The following G2E3 variants were observed in gnomAD, a reference collection of about 807,000 sequenced individuals.
The protein encoded by G2E3 is G2/M-phase specific E3 ubiquitin protein ligase.
A neutral mutation model predicts 92.8 loss-of-function variants in G2E3; 35 were observed. That is an observed-to-expected ratio of 0.38 (90% CI 0.29 to 0.50). The LOEUF (loss-of-function observed/expected upper bound fraction) is 0.50, where lower values mean the gene tolerates loss of function less well. G2E3 is among the 20% of genes least tolerant of loss of function. The probability of loss-of-function intolerance (pLI) is 0.94; values close to 1 mark genes in which losing one functional copy is unlikely to be tolerated. For missense variants in G2E3, 554 were observed against 823.8 expected, an observed-to-expected ratio of 0.67 and a Z score of 4.01; for synonymous variants, 242 against 272.4, an observed-to-expected ratio of 0.89 and a Z score of 1.10.
intron 4 of G2E3, among the ~76,000 whole-genome samples, chr14:30,591,146 A>C (rs903052071): frequency 6.6e-6 from 1 of 152,132 alleles, no homozygotes; most frequent in Admixed American, 6.6e-5. Flanking sequence ...TGAAAAGAAG[A>C]GTCTCATTTG....
At chr14:30,562,876 G>T (rs1044540838) in intron 1 of G2E3, among the ~76,000 whole-genome samples, 1 of 152,158 alleles carries the variant, frequency 6.6e-6, no homozygotes, top group Non-Finnish European at 1.5e-5. Context: ...CGGCTGCCAG[G>T]CAGGGAAGGG....
chr14:30,588,076 A>C (rs762863030), intron 3 of G2E3, among the ~76,000 whole-genome samples: 35 of 152,190 alleles, frequency 2.3e-4, no homozygotes, highest in Admixed American at 8.5e-4. Flanking sequence ...GGTTAAATAG[A>C]GTAGTAGACT....
intron 4 of G2E3, among the ~76,000 whole-genome samples, chr14:30,590,266 C>T (rs541232072): frequency 6.6e-6 from 1 of 152,226 alleles, no homozygotes; most frequent in East Asian, 1.9e-4. Context: ...GACACTGACA[C>T]ATTATAGTTG....
chr14:30,619,384 T>A lies in G2E3; in HGVS notation c.*2850T>A, dbSNP rs1371617135. 3 of 152,142 alleles carry A rather than the reference T, an allele frequency of 2.0e-5. No homozygotes were observed. Among genetic ancestry groups the A allele is most frequent in the African/African-American group, 7.2e-5 (3 of 41,456 alleles). 9.4% of individuals were successfully genotyped at this position (152,142 alleles called of 1,614,324 possible). ...TTTTCAGTGACTGTGCCTTTAGCAT[T>A]CAGTCATTATAAGAAAATGATCAGA... On this transcript the variant is annotated 3_prime_UTR_variant, in exon 15 of 15. Coordinates refer to ENST00000206595, the MANE Select transcript of G2E3 (RefSeq NM_017769.5).
chr14:30,590,935 G>A, intron 4 of G2E3: 3 of 290,718 alleles, frequency 1.0e-5, no homozygotes, highest in South Asian at 9.7e-5. Context: ...AGGAATATTT[G>A]CTTACCAGTT....
intron 1 of G2E3, among the ~76,000 whole-genome samples, chr14:30,571,903 T>C (rs1056323775): frequency 2.6e-5 from 4 of 151,674 alleles, no homozygotes; most frequent in African/African-American, 7.3e-5. Flanking sequence ...ACAAGACTTT[T>C]GCATTTTTAT....
Position 30,616,479 on chromosome 14 carries a change from T to C in G2E3, c.2066T>C (p.Ile689Thr), listed in dbSNP as rs1340650006. Residue 689 changes from isoleucine (I) to threonine (T), a missense_variant, in exon 15 of 15, where the codon ATA becomes ACA. By Grantham distance (89) the Ile-to-Thr change is moderately conservative. Coordinates refer to ENST00000206595, the MANE Select transcript of G2E3 (RefSeq NM_017769.5). ...KEFQENMDFT[I>T]RNTLRLEKEE... is the part of the protein sequence containing the mutation. ...TTTCAAGAAAATATGGACTTCACCA[T>C]AAGAAACACTCTAAGACTAGAAAAG... 1 of 1,604,428 alleles carries C rather than the reference T, an allele frequency of 6.2e-7. No individual in the cohort carries two copies. Among genetic ancestry groups the C allele is most frequent in the East Asian group, 2.2e-5 (1 of 44,758 alleles).
At chr14:30,593,161 A>C (rs1011481669) in intron 5 of G2E3, among the ~76,000 whole-genome samples, 1 of 152,154 alleles carries the variant, frequency 6.6e-6, no homozygotes, top group African/African-American at 2.4e-5. Flanking sequence ...CAACGTATGC[A>C]CCCATTTGTT....
At chr14:30,613,033 G>A (rs370482758) in intron 13 of G2E3, among the ~76,000 whole-genome samples, 12 of 151,814 alleles carry the variant, frequency 7.9e-5, no homozygotes, top group African/African-American at 2.4e-4. Flanking sequence ...TTATCTGCTG[G>A]GTAATACATA....
intron 1 of G2E3, among the ~76,000 whole-genome samples, chr14:30,568,663 A>C (rs1356307149): frequency 3.3e-5 from 5 of 152,286 alleles, no homozygotes; most frequent in East Asian, 1.9e-4. Context: ...CATAGTATAC[A>C]AAAATTACAC....
chr14:30,582,559 ACTC>A (rs1212943009), intron 2 of G2E3, among the ~76,000 whole-genome samples: 1 of 151,902 alleles, frequency 6.6e-6, no homozygotes, highest in Non-Finnish European at 1.5e-5. Context: ...GTTCACAAGG[ACTC>A]CTCTTTTGTA....
At chr14:30,561,481 A>G (rs1033656295) in intron 1 of G2E3, among the ~76,000 whole-genome samples, 15 of 152,160 alleles carry the variant, frequency 9.9e-5, no homozygotes, top group African/African-American at 3.6e-4. Context: ...TCTGGTACCA[A>G]CTTCTCTTCC....
rs370398317 is a variant in G2E3, at chr14:30,577,157, G to A, written c.-4-3919G>A. ...GGAGAATCACTTGAACCCAGGAGGC[G>A]GAGGTTGCAGTGAGCCGAGATTGCG... On this transcript the variant is annotated intron_variant, in intron 1 of 14. Transcript: ENST00000206595. Among the ~76,000 whole-genome samples the A allele has an allele frequency of 2.1e-4, 31 of 148,758 alleles. 1 individual carries two copies. Among genetic ancestry groups the A allele is most frequent in the South Asian group, 6.3e-4 (3 of 4,738 alleles).
chr14:30,579,121 G>A (rs911407765), intron 1 of G2E3, among the ~76,000 whole-genome samples: 2 of 152,028 alleles, frequency 1.3e-5, no homozygotes, highest in African/African-American at 2.4e-5. Context: ...AAGCGCCATC[G>A]TATACCTGTA....
intron 1 of G2E3, among the ~76,000 whole-genome samples, chr14:30,566,245 T>C (rs1212948354): frequency 1.3e-5 from 2 of 152,192 alleles, no homozygotes; most frequent in African/African-American, 4.8e-5. Flanking sequence ...TCAGGATCCC[T>C]TGCAGTTTAG....
intron 1 of G2E3, among the ~76,000 whole-genome samples, chr14:30,575,847 C>T (rs1258870667): frequency 6.6e-6 from 1 of 152,150 alleles, no homozygotes; most frequent in Non-Finnish European, 1.5e-5. Flanking sequence ...AATTACAAAG[C>T]ACTGCTCAAA....
At chr14:30,616,207 T>C in intron 14 of G2E3, 71 bp from the exon 15 acceptor site, 1 of 996,704 alleles carries the variant, frequency 1.0e-6, no homozygotes, top group South Asian at 1.4e-5. Context: ...GAGAAGAATC[T>C]ATGATGATAG....
At chr14:30,615,153 C>T (rs531272431) in intron 13 of G2E3, among the ~76,000 whole-genome samples, 196 bp from the exon 14 acceptor site, 1 of 152,180 alleles carries the variant, frequency 6.6e-6, no homozygotes, top group Admixed American at 6.5e-5. Context: ...TTGAAAGTAT[C>T]ATGTGTAGTA....
chr14:30,567,196 G>T (rs1309088859), intron 1 of G2E3, among the ~76,000 whole-genome samples: 2 of 152,102 alleles, frequency 1.3e-5, no homozygotes, highest in East Asian at 3.8e-4. Flanking sequence ...CATAAAATGA[G>T]TTAGGAAGTG....
Sources: allele counts gnomAD v4.1 joint callset (sites outside exome capture counted in the v4.1 genomes callset), GRCh38; gene constraint gnomAD v4.1.1; transcripts MANE v1.5; gene names NCBI Gene and HGNC (gene_info 2026-07-23, HGNC 2026-07-21).